The following BRINP1 variants were observed in gnomAD, a reference collection of about 807,000 sequenced individuals.
The protein encoded by BRINP1 is BMP/retinoic acid inducible neural specific 1.
In BRINP1, 17 loss-of-function variants were observed where a neutral mutation model predicts 72.9. The observed-to-expected ratio is 0.23, with a 90% CI of 0.16 to 0.35. The LOEUF is 0.35. Among genes scored for constraint, BRINP1 ranks in the 10% least tolerant of loss-of-function variants. The pLI is 1.00. For synonymous variants in BRINP1, 418 were observed against 378.5 expected (o/e 1.10, Z -1.21); for missense variants, 850 against 1,001.6 (o/e 0.85, Z 2.04).
chr9:119,187,483 T>C (rs560895233), intron 7 of BRINP1, among the ~76,000 whole-genome samples: 16 of 152,130 alleles, frequency 1.1e-4, no homozygotes, highest in African/African-American at 3.9e-4. Flanking sequence ...AGTTGCATGA[T>C]GGCTACACCA....
chr9:119,218,175 C>T (rs1380838871), intron 5 of BRINP1, among the ~76,000 whole-genome samples: 1 of 151,372 alleles, frequency 6.6e-6, no homozygotes, highest in East Asian at 1.9e-4. Context: ...AGTGTAGGCT[C>T]CAGGCACTCA....
intron 1 of BRINP1, among the ~76,000 whole-genome samples, chr9:119,357,272 T>A (rs894522624): frequency 6.6e-6 from 1 of 152,188 alleles, no homozygotes; most frequent in Non-Finnish European, 1.5e-5. Flanking sequence ...TGTGTGTGTA[T>A]AAGTGAAGCA....
chr9:119,258,961 T>C (rs1830471640), intron 2 of BRINP1, among the ~76,000 whole-genome samples: 1 of 152,190 alleles, frequency 6.6e-6, no homozygotes, highest in Non-Finnish European at 1.5e-5. Flanking sequence ...TGTTTCTTCC[T>C]ATTCTCTACT....
At chr9:119,200,461 A>C (rs1829792444) in intron 7 of BRINP1, among the ~76,000 whole-genome samples, 1 of 152,004 alleles carries the variant, frequency 6.6e-6, no homozygotes, top group African/African-American at 2.4e-5. Context: ...GGCTATACAA[A>C]AAAATTAGAT....
Position 119,300,721 on chromosome 9 carries a change from C to A in BRINP1, c.218+12417G>T, listed in dbSNP as rs563031498. Among the ~76,000 whole-genome samples the A allele has an allele frequency of 3.3e-5, 5 of 152,188 alleles. No homozygotes were observed. The South Asian group carries it at 8.3e-4, about 25-fold the overall frequency. On this transcript the variant is annotated intron_variant, in intron 2 of 7. Transcript: ENST00000265922. Reference sequence around the variant, plus strand: ...AATCTCTACTCCCTTTTTCTCACTTCTCAACTCACTACACTCTGGCTTATA... The same window carrying A: ...AATCTCTACTCCCTTTTTCTCACTTATCAACTCACTACACTCTGGCTTATA...
chr9:119,270,449 T>C (rs1853679), intron 2 of BRINP1, among the ~76,000 whole-genome samples: 29,664 of 152,022 alleles, frequency 0.2, 3,085 homozygotes, highest in Admixed American at 0.25. Flanking sequence ...GTAGCTTGAA[T>C]TAGGGGAGTA....
intron 4 of BRINP1, among the ~76,000 whole-genome samples, chr9:119,240,268 C>G (rs1481810741): frequency 6.6e-6 from 1 of 151,986 alleles, no homozygotes; most frequent in African/African-American, 2.4e-5. Flanking sequence ...GTCTCCATCT[C>G]AAAAAGACAA....
chr9:119,361,396 C>T (rs1433375926), intron 1 of BRINP1, among the ~76,000 whole-genome samples: 3 of 152,126 alleles, frequency 2.0e-5, no homozygotes, highest in African/African-American at 7.2e-5. Flanking sequence ...TCATGTTAAC[C>T]CTTAATCACT....
Position 119,257,894 on chromosome 9 carries a change from T to C in BRINP1, c.219-8744A>G, listed in dbSNP as rs923825013. Among the ~76,000 whole-genome samples the C allele has an allele frequency of 2.0e-5, 3 of 151,948 alleles. No individual in the cohort carries two copies. The East Asian group carries it at 5.8e-4, about 29-fold the overall frequency. On this transcript the variant is annotated intron_variant, in intron 2 of 7. Coordinates refer to ENST00000265922, the MANE Select transcript of BRINP1 (RefSeq NM_014618.3). ...ATCCCCTGCCTGCCTTCATGTCCCA[T>C]AACACAACTGGCAAGGCAGCTGAGA...
At chr9:119,183,993 A>G (rs764577874) in intron 7 of BRINP1, among the ~76,000 whole-genome samples, 19 of 152,156 alleles carry the variant, frequency 1.2e-4, no homozygotes, top group Admixed American at 2.0e-4. Context: ...GAAGCAGTCC[A>G]TAGAAATTAT....
intron 5 of BRINP1, among the ~76,000 whole-genome samples, chr9:119,229,252 T>C (rs570447086): frequency 6.4e-4 from 98 of 152,186 alleles, no homozygotes; most frequent in African/African-American, 2.3e-3. Flanking sequence ...AGGATGCAAA[T>C]ATAAATAAAG....
chr9:119,249,853 AGG>A (rs771526964), intron 2 of BRINP1, among the ~76,000 whole-genome samples: 6 of 49,928 alleles, frequency 1.2e-4, no homozygotes, highest in African/African-American at 5.0e-4. Context: ...GAAGGAAGGA[AGG>A]GAGGGAGGGA....
chr9:119,220,362 AAAG>A (rs1190225554), intron 5 of BRINP1, among the ~76,000 whole-genome samples: 1 of 152,126 alleles, frequency 6.6e-6, no homozygotes, highest in Non-Finnish European at 1.5e-5. Flanking sequence ...GAGGCTGGGG[AAAG>A]AAGAATATCT....
chr9:119,240,490 G>A (rs1830235772), intron 4 of BRINP1, among the ~76,000 whole-genome samples: 1 of 152,126 alleles, frequency 6.6e-6, no homozygotes, highest in Non-Finnish European at 1.5e-5. Flanking sequence ...ACACGAAGGA[G>A]GATTATCTTC....
intron 1 of BRINP1, among the ~76,000 whole-genome samples, chr9:119,361,569 GTC>G (rs1355220666): frequency 6.6e-6 from 1 of 152,020 alleles, no homozygotes; most frequent in Non-Finnish European, 1.5e-5. Flanking sequence ...TACTGTGTGT[GTC>G]TCTCTCTGCT....
At chr9:119,301,567 A>G (rs987863127) in intron 2 of BRINP1, among the ~76,000 whole-genome samples, 1 of 152,204 alleles carries the variant, frequency 6.6e-6, no homozygotes, top group Non-Finnish European at 1.5e-5. Flanking sequence ...CATAAGAAAC[A>G]TCTTTGTGGT....
chr9:119,300,679 A>G (rs1235903012), intron 2 of BRINP1, among the ~76,000 whole-genome samples: 2 of 152,160 alleles, frequency 1.3e-5, no homozygotes, highest in African/African-American at 4.8e-5. Flanking sequence ...TCTTTTTTAA[A>G]AAAGAAAAAA....
At position 119,208,885 on chromosome 9, in the gene BRINP1, T is replaced by C. The variant is rs1166562085; in HGVS notation, c.979A>G (p.Ser327Gly). The stretch of plus-strand genomic sequence containing the variant: ...TCATTGCCCCAGTGCTGATGGATGC[T>C]TCCGATGGTCAGGAAGTGGTTGCTG... ...LPSNHFLTIGSIHQHWGNDWD... is the reference protein window; with the variant it reads ...LPSNHFLTIGGIHQHWGNDWD... Residue 327 changes from serine to glycine, a missense_variant, in exon 7 of 8, where the codon AGC becomes GGC. By Grantham distance (56) the Ser-to-Gly change is moderately conservative. Transcript: ENST00000265922. 2 of 1,614,046 alleles carry C rather than the reference T, an allele frequency of 1.2e-6. No homozygotes were observed. The highest frequency in any genetic ancestry group is 1.7e-6 in the Non-Finnish European group (2 of 1,180,036).
intron 2 of BRINP1, among the ~76,000 whole-genome samples, chr9:119,286,966 G>T (rs1297794794): frequency 6.6e-6 from 1 of 151,940 alleles, no homozygotes; most frequent in East Asian, 1.9e-4. Flanking sequence ...ACAACATGTG[G>T]TTGGCTGCGT....
Sources: allele counts gnomAD v4.1 joint callset (sites outside exome capture counted in the v4.1 genomes callset), GRCh38; gene constraint gnomAD v4.1.1; transcripts MANE v1.5; gene names NCBI Gene and HGNC (gene_info 2026-07-23, HGNC 2026-07-21).